Variants in SYCN observed in about 807,000 individuals in gnomAD.
SYCN encodes the protein insulin synthesis associated 1.
A neutral mutation model predicts 12.6 loss-of-function variants in SYCN; 16 were observed. The observed-to-expected ratio is 1.27, with a 90% CI of 0.86 to 1.92. SYCN has a LOEUF of 1.92. Among genes scored for constraint, SYCN ranks in the 30% most tolerant of loss-of-function variants. SYCN has a pLI of 0.00. For synonymous variants in SYCN, 97 were observed against 88.4 expected (o/e 1.10, Z -0.55); for missense variants, 226 against 181.8 (o/e 1.24, Z -1.40).
Position 39,204,206 on chromosome 19 carries a change from G to T in SYCN, c.49C>A (p.Pro17Thr). ...GCGGGGCAGGCGCCCTGGGCGCAAG[G>T]CACGGAGGCAAGGGCCAGGGCCAGC... Reference protein sequence around the residue: ...LLLALALASVPCAQGACPASA... With the variant: ...LLLALALASVTCAQGACPASA... Residue 17 changes from proline to threonine, a missense_variant, in exon 1 of 2, where the codon CCT (proline) becomes ACT (threonine). Transcript: ENST00000318438. 6.2e-7 allele frequency: 1 copy of T among 1,607,618 alleles called. No homozygotes were observed.
At chr19:39,203,773 C>T (rs2074797906) in intron 1 of SYCN, 87 bp downstream of exon 1, 4 of 1,447,524 alleles carry the variant, frequency 2.8e-6, no homozygotes, top group Admixed American at 5.2e-5. Context: ...GTGGAGCAGC[C>T]TCGGGGCTTG....
In SYCN at chr19:39,202,896, G is replaced by A; in HGVS notation, c.*91C>T. 1 of 1,462,732 alleles carries A rather than the reference G, an allele frequency of 6.8e-7. No homozygotes were observed. The highest frequency in any genetic ancestry group is 1.2e-5 in the South Asian group (1 of 82,276). 90.6% of individuals were successfully genotyped at this position (1,462,732 alleles called of 1,614,324 possible). A position where few individuals can be genotyped will look rare whatever the true frequency, so the allele number is the denominator to read the frequency against. On this transcript the variant is annotated 3_prime_UTR_variant, in exon 2 of 2. Coordinates refer to ENST00000318438, the MANE Select transcript of SYCN (RefSeq NM_001080468.4). Reference sequence around the variant, plus strand: ...GGGCAGGCAGAACGCTCCTCCTCCTGGGTCTTGGGGCCCCGGAGCAGAGCC... The same window carrying A: ...GGGCAGGCAGAACGCTCCTCCTCCTAGGTCTTGGGGCCCCGGAGCAGAGCC...
At chr19:39,203,771 G>A (rs1452510478) in intron 1 of SYCN, 89 bp downstream of exon 1, 1 of 1,435,916 alleles carries the variant, frequency 7.0e-7, no homozygotes, top group Non-Finnish European at 9.3e-7. Context: ...GTGTGGAGCA[G>A]CCTCGGGGCT....
rs1425967986 is a variant in SYCN at position 39,204,144 on chromosome 19, A to G, written c.111T>C (p.Thr37=). The change falls in exon 1 of 2, where the codon ACT becomes ACC. Residue 37 remains threonine (T), a synonymous_variant. Coordinates refer to ENST00000318438, the MANE Select transcript of SYCN (RefSeq NM_001080468.4). ...CGCTCTTGTCATAGAGCTTGGCGCA[A>G]GTGCGCGTCCCGTCCGAGTGCTTGA... The part of the protein sequence containing the change: ...ADLKHSDGTR[T]CAKLYDKSDP... The G allele has an allele frequency of 6.8e-6, 11 of 1,612,692 alleles. No individual in the cohort carries two copies. Among genetic ancestry groups the G allele is most frequent in the Non-Finnish European group, 9.3e-6 (11 of 1,179,714 alleles).
chr19:39,204,151 G>A lies in SYCN; in HGVS notation c.104C>T (p.Thr35Met), dbSNP rs766050306. The change falls in exon 1 of 2, where the codon ACG becomes ATG. Residue 35 changes from threonine to methionine, a missense_variant. Coordinates refer to ENST00000318438, the MANE Select transcript of SYCN (RefSeq NM_001080468.4). Reference sequence around the variant, plus strand: ...GTCATAGAGCTTGGCGCAAGTGCGCGTCCCGTCCGAGTGCTTGAGGTCGGC... The same window carrying A: ...GTCATAGAGCTTGGCGCAAGTGCGCATCCCGTCCGAGTGCTTGAGGTCGGC... ...ASADLKHSDGTRTCAKLYDKS... is the reference protein window; with the variant it reads ...ASADLKHSDGMRTCAKLYDKS... 2 of 1,612,660 alleles carry A rather than the reference G, an allele frequency of 1.2e-6. No individual in the cohort carries two copies. Among genetic ancestry groups the A allele is most frequent in the East Asian group, 2.2e-5 (1 of 44,862 alleles).
At chr19:39,203,755 TCA>T in intron 1 of SYCN, 103 bp downstream of exon 1, 1 of 1,343,550 alleles carries the variant, frequency 7.4e-7, no homozygotes, top group Non-Finnish European at 9.9e-7. Context: ...AGTCGGGAGC[TCA>T]GGGGTGTGGA....
rs376350727 is a variant in SYCN, at chr19:39,202,910, C to G, written c.*77G>C. The G allele has an allele frequency of 2.2e-4, 331 of 1,535,366 alleles. No individual in the cohort carries two copies. The African/African-American group carries it at 3.9e-3, about 18-fold the overall frequency. The stretch of plus-strand genomic sequence containing the variant: ...CTCCTCCTCCTGGGTCTTGGGGCCC[C>G]GGAGCAGAGCCCAGGGATGGGCTGA... On this transcript the variant is annotated 3_prime_UTR_variant, in exon 2 of 2. Coordinates refer to ENST00000318438, the MANE Select transcript of SYCN (RefSeq NM_001080468.4).
chr19:39,204,068 C>A lies in SYCN; in HGVS notation c.187G>T (p.Gly63Cys), dbSNP rs2074800536. ...CGGAELSLES[G>C]ADLPYLPSNW... ...GAGGGCAGGTAGGGCAGGTCTGCGC[C>A]CGACTCCAGCGACAGCTCGGCGCCC... The change falls in exon 1 of 2, where the codon GGC (glycine) becomes TGC (cysteine). Residue 63 changes from glycine (G) to cysteine (C), a missense_variant. By Grantham distance (159) the Gly-to-Cys change is radical. Coordinates refer to ENST00000318438, the MANE Select transcript of SYCN (RefSeq NM_001080468.4). The A allele has an allele frequency of 3.7e-6, 6 of 1,612,942 alleles. No individual in the cohort carries two copies. The East Asian group carries it at 1.3e-4, about 36-fold the overall frequency.
At position 39,202,905 on chromosome 19, in the gene SYCN, GGCCCCGGAGCAGA is replaced by G. The variant is rs2074794386; in HGVS notation, c.*69_*81del. On this transcript the variant is annotated 3_prime_UTR_variant, in exon 2 of 2. Coordinates refer to ENST00000318438, the MANE Select transcript of SYCN (RefSeq NM_001080468.4). ...GAACGCTCCTCCTCCTGGGTCTTGGGGCCCCGGAGCAGAGCCCAGGGATGGGCTGAGTGAGGGG... is the reference window on the plus strand; with the variant it reads ...GAACGCTCCTCCTCCTGGGTCTTGGGGCCCAGGGATGGGCTGAGTGAGGGG... The G allele has an allele frequency of 1.3e-6, 2 of 1,523,990 alleles. No homozygotes were observed. The highest frequency in any genetic ancestry group is 2.8e-5 in the African/African-American group (2 of 72,630). 94.4% of individuals were successfully genotyped at this position (1,523,990 alleles called of 1,614,324 possible).
At position 39,204,155 on chromosome 19, in the gene SYCN, C is replaced by T. The variant is rs373066528; in HGVS notation, c.100G>A (p.Gly34Arg). Residue 34 changes from glycine (G) to arginine (R), a missense_variant, in exon 1 of 2, where the codon GGG becomes AGG. By Grantham distance (125) the Gly-to-Arg change is moderately radical. Transcript: ENST00000318438. ...PASADLKHSD[G>R]TRTCAKLYDK... ...TAGAGCTTGGCGCAAGTGCGCGTCCCGTCCGAGTGCTTGAGGTCGGCGGAG... is the reference window on the plus strand; with the variant it reads ...TAGAGCTTGGCGCAAGTGCGCGTCCTGTCCGAGTGCTTGAGGTCGGCGGAG... The T allele has an allele frequency of 8.7e-6, 14 of 1,612,490 alleles. No individual in the cohort carries two copies. The highest frequency in any genetic ancestry group is 5.3e-5 in the African/African-American group (4 of 74,930).
Position 39,203,925 on chromosome 19 carries a change from G to A in SYCN, c.330C>T (p.Arg110=). 1 of 1,611,556 alleles carries A rather than the reference G, an allele frequency of 6.2e-7. No homozygotes were observed. The highest frequency in any genetic ancestry group is 8.5e-7 in the Non-Finnish European group (1 of 1,178,996). ...THKFSAGTYP[R]LEEYRRGILG... ...AGATGCCCCGGCGGTACTCCTCCAGGCGCGGGTAGGTGCCGGCAGAGAACT... is the reference window on the plus strand; with the variant it reads ...AGATGCCCCGGCGGTACTCCTCCAGACGCGGGTAGGTGCCGGCAGAGAACT... The change falls in exon 1 of 2, where the codon CGC becomes CGT. Residue 110 remains arginine, a synonymous_variant. Transcript: ENST00000318438.
In SYCN at chr19:39,204,094, C is replaced by G; in HGVS notation, c.161G>C (p.Gly54Ala). 1 of 1,613,064 alleles carries G rather than the reference C, an allele frequency of 6.2e-7. No individual in the cohort carries two copies. Among genetic ancestry groups the G allele is most frequent in the Non-Finnish European group, 8.5e-7 (1 of 1,179,630 alleles). ...CGACTCCAGCGACAGCTCGGCGCCC[C>G]CGCAGCAGTTCTCATAGTAGGGGTC... is the stretch of plus-strand genomic sequence containing the variant. Reference protein sequence around the residue: ...KSDPYYENCCGGAELSLESGA... With the variant: ...KSDPYYENCCAGAELSLESGA... The change falls in exon 1 of 2, where the codon GGG (glycine) becomes GCG (alanine). Residue 54 changes from glycine to alanine, a missense_variant. By Grantham distance (60) the Gly-to-Ala change is moderately conservative (BLOSUM62 0). Coordinates refer to ENST00000318438, the MANE Select transcript of SYCN (RefSeq NM_001080468.4).
intron 1 of SYCN, 43 bp downstream of exon 1, chr19:39,203,817 G>A (rs752562400): frequency 6.5e-6 from 10 of 1,539,924 alleles, no homozygotes; most frequent in African/African-American, 4.1e-5. Flanking sequence ...CGGAGCTGGG[G>A]CCTGGGCCTG....
At chr19:39,203,654 G>A (rs73933828) in intron 1 of SYCN, among the ~76,000 whole-genome samples, 1,622 of 152,040 alleles carry the variant, frequency 0.011, 25 homozygotes, top group African/African-American at 0.038. Context: ...CGGGTGCTGG[G>A]GGTGAGGAGA....
Position 39,204,203 on chromosome 19 carries a change from A to G in SYCN, c.52T>C (p.Cys18Arg). ...GAGGCGGGGCAGGCGCCCTGGGCGC[A>G]AGGCACGGAGGCAAGGGCCAGGGCC... ...LLALALASVPCAQGACPASAD... is the reference protein window; with the variant it reads ...LLALALASVPRAQGACPASAD... The change falls in exon 1 of 2, where the codon TGC (cysteine) becomes CGC (arginine). Residue 18 changes from cysteine to arginine, a missense_variant. Cys to Arg is a radical substitution (Grantham distance 180, BLOSUM62 -3). Transcript: ENST00000318438. 2.5e-6 allele frequency: 4 copies of G among 1,608,754 alleles called. No individual in the cohort carries two copies. Among genetic ancestry groups the G allele is most frequent in the South Asian group, 1.1e-5 (1 of 90,796 alleles).
chr19:39,203,546 AG>A (rs1167819000), intron 1 of SYCN, among the ~76,000 whole-genome samples: 1 of 151,882 alleles, frequency 6.6e-6, no homozygotes, highest in African/African-American at 2.4e-5. Context: ...GCGGGTGGGT[AG>A]GCGGAAGATT....
At chr19:39,203,021 C>A (rs1046739778) in intron 1 of SYCN, 25 bp from the exon 2 acceptor site, 1 of 1,563,972 alleles carries the variant, frequency 6.4e-7, no homozygotes, top group Non-Finnish European at 8.7e-7. Flanking sequence ...AGAATTCCTT[C>A]CAGGGGCTCT....
At chr19:39,203,461 G>T (rs768361023) in intron 1 of SYCN, among the ~76,000 whole-genome samples, 5 of 151,948 alleles carry the variant, frequency 3.3e-5, no homozygotes, top group African/African-American at 4.8e-5. Flanking sequence ...TGGTTCTGGG[G>T]ACTCCAGGGT....
rs763064766 is a variant in SYCN at position 39,204,054 on chromosome 19, G to A, written c.201C>T (p.Pro67=). The change falls in exon 1 of 2, where the codon CCC becomes CCT. Residue 67 remains proline (P), a synonymous_variant. Transcript: ENST00000318438. ...ELSLESGADL[P]YLPSNWANTA... is the part of the protein sequence containing the mutation. ...TGTTGGCCCAGTTGGAGGGCAGGTA[G>A]GGCAGGTCTGCGCCCGACTCCAGCG... 8.7e-6 allele frequency: 14 copies of A among 1,612,762 alleles called. No individual in the cohort carries two copies. The highest frequency in any genetic ancestry group is 8.5e-7 in the Non-Finnish European group (1 of 1,179,490).
Sources: gnomAD v4.1 joint callset for allele counts (sites outside exome capture counted in the v4.1 genomes callset) on GRCh38, gnomAD v4.1.1 for gene constraint, MANE v1.5 for transcripts, NCBI Gene and HGNC (gene_info 2026-07-23, HGNC 2026-07-21) for gene names.